INPP4B: variants seen among roughly 807,000 people sequenced by gnomAD.
INPP4B encodes inositol polyphosphate-4-phosphatase type II B, also known as inositol polyphosphate 4-phosphatase type II.
A neutral mutation model predicts 122.5 loss-of-function variants in INPP4B; 55 were observed. The observed-to-expected ratio is 0.45, with a 90% confidence interval of 0.36 to 0.56. The LOEUF is 0.56. Ranked by LOEUF, INPP4B falls within the 20% of genes least tolerant of loss-of-function variation. The pLI is 0.00. For synonymous variants in INPP4B, 403 were observed against 388.7 expected (o/e 1.04, Z -0.43); for missense variants, 1,000 against 1,097.7 (o/e 0.91, Z 1.26).
chr4:142,234,705 C>CTT lies in INPP4B; in HGVS notation c.836+3157_836+3158dup, dbSNP rs903293250. 1.2e-4 allele frequency among the ~76,000 whole-genome samples: 19 copies of CTT among 152,264 alleles called. No homozygotes were observed. In the South Asian group the frequency reaches 1.5e-3, roughly 12 times the overall value. ...TGGTGAATTTTTGGAATCTATCAGG[C>CTT]TTTTATACCTTTTGTTTTTGTAGAA... On this transcript the variant is annotated intron_variant, in intron 12 of 25. Transcript: ENST00000262992.
intron 14 of INPP4B, chr4:142,202,873 A>G (rs1035116929): frequency 8.4e-6 from 5 of 594,744 alleles, no homozygotes; most frequent in Non-Finnish European, 1.1e-5. Flanking sequence ...TGTGGGCTCA[A>G]ATCAGGAACT....
At chr4:142,474,790 C>A (rs1819531826) in intron 2 of INPP4B, among the ~76,000 whole-genome samples, 1 of 152,112 alleles carries the variant, frequency 6.6e-6, no homozygotes, top group African/African-American at 2.4e-5. Flanking sequence ...TAAGTGACTC[C>A]ACCTGCCCCT....
chr4:142,578,718 T>A (rs1040294556), intron 2 of INPP4B, among the ~76,000 whole-genome samples: 1 of 151,916 alleles, frequency 6.6e-6, no homozygotes, highest in Non-Finnish European at 1.5e-5. Flanking sequence ...GTACTGGGGG[T>A]TAGGGATTTA....
At chr4:142,278,586 T>G (rs891400658) in intron 9 of INPP4B, among the ~76,000 whole-genome samples, 1 of 151,874 alleles carries the variant, frequency 6.6e-6, no homozygotes, top group Admixed American at 6.6e-5. Flanking sequence ...GATCCCAAGA[T>G]AGTGTGGCGA....
At chr4:142,348,268 C>A (rs1459442994) in intron 7 of INPP4B, among the ~76,000 whole-genome samples, 2 of 152,126 alleles carry the variant, frequency 1.3e-5, no homozygotes, top group East Asian at 1.9e-4. Context: ...TAAATCAATC[C>A]TTTCATTATT....
intron 2 of INPP4B, among the ~76,000 whole-genome samples, chr4:142,647,022 C>T (rs1751930750): frequency 6.6e-6 from 1 of 152,110 alleles, no homozygotes; most frequent in Non-Finnish European, 1.5e-5. Flanking sequence ...TATAACTTTA[C>T]TGGTGGATAA....
At chr4:142,768,253 T>G (rs1002935974) in intron 1 of INPP4B, among the ~76,000 whole-genome samples, 5 of 152,176 alleles carry the variant, frequency 3.3e-5, no homozygotes, top group Non-Finnish European at 1.5e-5. Flanking sequence ...GATACAAAAA[T>G]AATAACAATA....
chr4:142,757,741 G>A lies in INPP4B; in HGVS notation c.-253-31840C>T, dbSNP rs531979273. Reference sequence around the variant, plus strand: ...GGCAATTATGAATATAAACATCCACGTGCAGGGTTTTCAATTCATTTGGGT... The same window carrying A: ...GGCAATTATGAATATAAACATCCACATGCAGGGTTTTCAATTCATTTGGGT... On this transcript the variant is annotated intron_variant, in intron 1 of 25. Coordinates refer to ENST00000262992, the MANE Select transcript of INPP4B (RefSeq NM_001101669.3). 8.0e-5 allele frequency among the ~76,000 whole-genome samples: 12 copies of A among 149,268 alleles called. No individual in the cohort carries two copies. The South Asian group carries it at 2.6e-3, about 32-fold the overall frequency.
In INPP4B at chr4:142,422,216, A is replaced by G. The variant is rs1178075163; in HGVS notation, c.136+6957T>C. Among the ~76,000 whole-genome samples, 3 of 152,132 alleles carry G rather than the reference A, an allele frequency of 2.0e-5. No homozygotes were observed. The South Asian group carries it at 6.2e-4, about 32-fold the overall frequency. ...AATCAGGGATGATAAAAGAGCAATT[A>G]CTCATAATGAAATGATAAGAAGTAA... On this transcript the variant is annotated intron_variant, in intron 5 of 25. Coordinates refer to ENST00000262992, the MANE Select transcript of INPP4B (RefSeq NM_001101669.3).
intron 1 of INPP4B, among the ~76,000 whole-genome samples, chr4:142,760,880 G>A (rs1426627878): frequency 6.6e-6 from 1 of 152,060 alleles, no homozygotes; most frequent in Admixed American, 6.6e-5. Flanking sequence ...CATTTTAGAT[G>A]ACAAGTTATT....
At chr4:142,122,424 C>A in intron 20 of INPP4B, among the ~76,000 whole-genome samples, 179 bp from the exon 21 acceptor site, 1 of 152,072 alleles carries the variant, frequency 6.6e-6, no homozygotes, top group East Asian at 1.9e-4. Context: ...AAATGAGAAC[C>A]ATTTCAATGG....
intron 2 of INPP4B, among the ~76,000 whole-genome samples, chr4:142,637,054 T>C (rs1560899884): frequency 6.6e-6 from 1 of 152,102 alleles, no homozygotes. Context: ...TTTAAAGCAG[T>C]TTTAGGTTTT....
chr4:142,489,811 T>C (rs1821647323), intron 2 of INPP4B, among the ~76,000 whole-genome samples: 2 of 152,206 alleles, frequency 1.3e-5, no homozygotes, highest in South Asian at 4.1e-4. Flanking sequence ...TAAGCTTTGT[T>C]ATTAGAGTAC....
chr4:142,836,891 C>G (rs556350522), intron 1 of INPP4B, among the ~76,000 whole-genome samples: 251 of 152,170 alleles, frequency 1.6e-3, no homozygotes, highest in African/African-American at 6.0e-3. Context: ...AGGGGCCAGG[C>G]GTGGTGGCTC....
rs775020896 is a variant in INPP4B at position 142,122,158 on chromosome 4, T to C, written c.2105A>G (p.Asn702Ser). The C allele has an allele frequency of 3.7e-6, 6 of 1,611,462 alleles. No individual in the cohort carries two copies. Among genetic ancestry groups the C allele is most frequent in the South Asian group, 3.3e-5 (3 of 90,684 alleles). The change falls in exon 21 of 26, where the codon AAT becomes AGT. Residue 702 changes from asparagine to serine, a missense_variant. Asn to Ser is a conservative substitution (Grantham distance 46). Coordinates refer to ENST00000262992, the MANE Select transcript of INPP4B (RefSeq NM_001101669.3). ...VAFKIIEAKS[N>S]DVLPVITGRR... Reference sequence around the variant, plus strand: ...TCCTGTTATAACTGGCAACACATCATTGGATTTGGCTTCAATTATTTTAAA... The same window carrying C: ...TCCTGTTATAACTGGCAACACATCACTGGATTTGGCTTCAATTATTTTAAA...
intron 1 of INPP4B, among the ~76,000 whole-genome samples, chr4:142,805,481 A>T (rs772812270): frequency 3.9e-5 from 6 of 152,142 alleles, no homozygotes; most frequent in Non-Finnish European, 7.4e-5. Context: ...GTGGAATATA[A>T]ATTACAGTTG....
At chr4:142,653,984 T>C (rs960289086) in intron 2 of INPP4B, among the ~76,000 whole-genome samples, 1 of 152,228 alleles carries the variant, frequency 6.6e-6, no homozygotes. Context: ...TGTCCAACAA[T>C]GATAGACTGG....
intron 1 of INPP4B, among the ~76,000 whole-genome samples, chr4:142,752,645 AG>A (rs1345507250): frequency 4.6e-5 from 7 of 152,092 alleles, no homozygotes; most frequent in Non-Finnish European, 1.0e-4. Context: ...TGCAGCTGTC[AG>A]GCAGCAAGAG....
intron 12 of INPP4B, among the ~76,000 whole-genome samples, chr4:142,210,311 A>C (rs1302728210): frequency 1.3e-5 from 2 of 152,208 alleles, no homozygotes; most frequent in Admixed American, 6.5e-5. Context: ...ATGGGATTGC[A>C]ATTTAGAACT....
Sources: gnomAD v4.1 joint callset for allele counts (sites outside exome capture counted in the v4.1 genomes callset) on GRCh38, gnomAD v4.1.1 for gene constraint, MANE v1.5 for transcripts, NCBI Gene and HGNC (gene_info 2026-07-23, HGNC 2026-07-21) for gene names.